ERC2: variants seen among roughly 807,000 people sequenced by gnomAD.
ERC2 encodes ELKS/RAB6-interacting/CAST family member 2.
In ERC2, 42 loss-of-function variants were observed where a neutral mutation model predicts 114.8. The ratio of observed to expected loss-of-function variants is 0.37; its 90% confidence interval spans 0.29 to 0.47. The LOEUF (loss-of-function observed/expected upper bound fraction) is 0.47. Among genes scored for constraint, ERC2 ranks in the 20% least tolerant of loss-of-function variants. The pLI is 0.99. For synonymous variants in ERC2, 454 were observed against 425.5 expected, an observed-to-expected ratio of 1.07 and a Z score of -0.82; for missense variants, 939 against 1,150.7, an observed-to-expected ratio of 0.82 and a Z score of 2.66.
intron 3 of ERC2, among the ~76,000 whole-genome samples, chr3:56,293,611 T>C (rs1335347652): frequency 6.6e-6 from 1 of 152,224 alleles, no homozygotes; most frequent in Admixed American, 6.5e-5. Flanking sequence ...GTCTTTTATA[T>C]ACAGATGTAT....
intron 5 of ERC2, among the ~76,000 whole-genome samples, chr3:56,148,012 A>G (rs2081232733): frequency 6.6e-6 from 1 of 152,220 alleles, no homozygotes; most frequent in Non-Finnish European, 1.5e-5. Context: ...TTTTATAAAG[A>G]TTCCTAGCAA....
Position 56,018,971 on chromosome 3 carries a change from T to C in ERC2, c.1702A>G (p.Arg568Gly). ...KDKQLTNLKD[R>G]VKSLQTDSSN... is the part of the protein sequence containing the mutation. ...GAATCCGTCTGCAAGGACTTCACTC[T>C]GTCTTTCAGGTTGGTCAGTTGCTTG... The change falls in exon 8 of 18, where the codon AGA (arginine) becomes GGA (glycine). Residue 568 changes from arginine (R) to glycine (G), a missense_variant. Arg to Gly is a moderately radical substitution (Grantham distance 125). Transcript: ENST00000288221. The C allele has an allele frequency of 1.2e-6, 2 of 1,613,252 alleles. No homozygotes were observed. The highest frequency in any genetic ancestry group is 1.7e-6 in the Non-Finnish European group (2 of 1,179,474).
At chr3:55,537,616 C>G (rs1289389646) in intron 17 of ERC2, among the ~76,000 whole-genome samples, 1 of 152,202 alleles carries the variant, frequency 6.6e-6, no homozygotes, top group Non-Finnish European at 1.5e-5. Context: ...AGGCTGCATA[C>G]TCTGGGTCAA....
chr3:56,431,346 C>T (rs183776449), intron 2 of ERC2, among the ~76,000 whole-genome samples: 20 of 152,304 alleles, frequency 1.3e-4, no homozygotes, highest in Admixed American at 7.2e-4. Context: ...ACCTCACACT[C>T]CCTTCAATTA....
intron 1 of ERC2, among the ~76,000 whole-genome samples, chr3:56,463,129 G>A (rs959064925): frequency 1.3e-5 from 2 of 152,184 alleles, no homozygotes; most frequent in Non-Finnish European, 2.9e-5. Context: ...TGGGAAGACT[G>A]AGGTGGGAGA....
At chr3:56,463,357 T>G (rs1462250098) in intron 1 of ERC2, among the ~76,000 whole-genome samples, 1 of 152,204 alleles carries the variant, frequency 6.6e-6, no homozygotes, top group Non-Finnish European at 1.5e-5. Context: ...TCTTGGAGTA[T>G]ACCACCCACG....
chr3:56,142,357 G>C (rs1048137342), intron 5 of ERC2, among the ~76,000 whole-genome samples: 2 of 151,918 alleles, frequency 1.3e-5, no homozygotes, highest in Non-Finnish European at 2.9e-5. Flanking sequence ...ATGAATCTCA[G>C]TAGACACATG....
chr3:55,786,173 T>C (rs1429314355), intron 14 of ERC2, among the ~76,000 whole-genome samples: 1 of 152,236 alleles, frequency 6.6e-6, no homozygotes, highest in Non-Finnish European at 1.5e-5. Context: ...TGATTAAAAA[T>C]GAGCCAAGTC....
At chr3:56,327,285 G>A (rs2057405726) in intron 2 of ERC2, among the ~76,000 whole-genome samples, 1 of 152,182 alleles carries the variant, frequency 6.6e-6, no homozygotes, top group South Asian at 2.1e-4. Context: ...CAAGGCAGCA[G>A]GAAGGAGAAT....
At chr3:55,891,629 T>C (rs997544671) in intron 13 of ERC2, among the ~76,000 whole-genome samples, 1 of 152,048 alleles carries the variant, frequency 6.6e-6, no homozygotes, top group South Asian at 2.1e-4. Flanking sequence ...GTATTTTTAG[T>C]AGAGACGGGG....
chr3:55,747,500 G>A (rs2066381955), intron 14 of ERC2, among the ~76,000 whole-genome samples: 1 of 152,196 alleles, frequency 6.6e-6, no homozygotes, highest in African/African-American at 2.4e-5. Context: ...GTCCAAATGA[G>A]TGAGATTAGA....
intron 14 of ERC2, among the ~76,000 whole-genome samples, chr3:55,752,734 T>C (rs2066792579): frequency 6.6e-6 from 1 of 151,314 alleles, no homozygotes; most frequent in Non-Finnish European, 1.5e-5. Flanking sequence ...CAAGTTTACA[T>C]GGCTAGTAGA....
intron 14 of ERC2, among the ~76,000 whole-genome samples, chr3:55,742,668 T>G (rs1217164286): frequency 6.6e-6 from 1 of 152,220 alleles, no homozygotes; most frequent in Non-Finnish European, 1.5e-5. Context: ...CTTTCCCTCA[T>G]GACCCTGAAT....
chr3:55,782,577 T>G (rs1295231939), intron 14 of ERC2, among the ~76,000 whole-genome samples: 2 of 152,256 alleles, frequency 1.3e-5, no homozygotes, highest in South Asian at 2.1e-4. Context: ...CCCTCCTATG[T>G]TCCAAGAAGT....
intron 1 of ERC2, among the ~76,000 whole-genome samples, chr3:56,459,139 G>A (rs1244932504): frequency 6.6e-6 from 1 of 152,138 alleles, no homozygotes; most frequent in Admixed American, 6.5e-5. Flanking sequence ...GGCCCATAGA[G>A]GATGAACTCC....
intron 14 of ERC2, among the ~76,000 whole-genome samples, chr3:55,845,193 G>T (rs888374968): frequency 6.6e-6 from 1 of 152,126 alleles, no homozygotes; most frequent in African/African-American, 2.4e-5. Context: ...AGGGCTTGGG[G>T]ACTCCTGTTA....
intron 17 of ERC2, among the ~76,000 whole-genome samples, chr3:55,631,750 G>T (rs2148628480): frequency 1.0e-5 from 1 of 98,726 alleles, no homozygotes; most frequent in Admixed American, 1.1e-4. Flanking sequence ...GGATAAAGAT[G>T]TGGGGATTTT....
chr3:56,402,164 G>T (rs2060543684), intron 2 of ERC2, among the ~76,000 whole-genome samples: 1 of 152,198 alleles, frequency 6.6e-6, no homozygotes, highest in African/African-American at 2.4e-5. Context: ...GGTGAGATTT[G>T]GGTGGGGACA....
At chr3:55,930,610 G>A (rs2149401640) in intron 13 of ERC2, among the ~76,000 whole-genome samples, 1 of 152,186 alleles carries the variant, frequency 6.6e-6, no homozygotes, top group Non-Finnish European at 1.5e-5. Flanking sequence ...AGCTCAAGAT[G>A]GATTAAAGAG....
Sources: gnomAD v4.1 joint callset for allele counts (sites outside exome capture counted in the v4.1 genomes callset) on GRCh38, gnomAD v4.1.1 for gene constraint, MANE v1.5 for transcripts, NCBI Gene and HGNC (gene_info 2026-07-23, HGNC 2026-07-21) for gene names.